TTLL12: variants seen among roughly 807,000 people sequenced by gnomAD.
The protein encoded by TTLL12 is tubulin tyrosine ligase like 12.
Under a neutral mutation model 79.6 loss-of-function variants are expected in TTLL12, and 77 were observed. The ratio of observed to expected loss-of-function variants is 0.97; its 90% CI spans 0.81 to 1.17. The LOEUF (loss-of-function observed/expected upper bound fraction) is 1.17, where lower values mean the gene tolerates loss of function less well. TTLL12 is among the 50% of genes most tolerant of loss of function. The pLI, the probability that TTLL12 is intolerant of heterozygous loss-of-function variation, is 0.00. For synonymous variants in TTLL12, 437 were observed against 376.1 expected, an observed-to-expected ratio of 1.16 and a Z score of -1.87; for missense variants, 969 against 895.9, an observed-to-expected ratio of 1.08 and a Z score of -1.04.
chr22:43,183,518 C>T (rs2146625367), intron 1 of TTLL12, among the ~76,000 whole-genome samples: 1 of 152,318 alleles, frequency 6.6e-6, no homozygotes, highest in South Asian at 2.1e-4. Context: ...AGGGTGGCTC[C>T]AATTACACTG....
chr22:43,177,191 G>C (rs996324868), intron 5 of TTLL12, among the ~76,000 whole-genome samples: 2 of 151,904 alleles, frequency 1.3e-5, no homozygotes, highest in Non-Finnish European at 2.9e-5. Flanking sequence ...AACATAGTGA[G>C]ACCCCGTCTC....
At chr22:43,183,538 G>A (rs74652745) in intron 1 of TTLL12, among the ~76,000 whole-genome samples, 2,092 of 152,284 alleles carry the variant, frequency 0.014, 50 homozygotes, top group African/African-American at 0.048. Context: ...GGAGGTCAAT[G>A]GAAGAGTCAG....
At position 43,174,512 on chromosome 22, in the gene TTLL12, AGT is replaced by A; in HGVS notation, c.1019_1020del (p.His340LeufsTer56). 3 of 1,611,866 alleles carry A rather than the reference AGT, an allele frequency of 1.9e-6. No homozygotes were observed. Among genetic ancestry groups the A allele is most frequent in the Non-Finnish European group, 2.5e-6 (3 of 1,178,640 alleles). On this transcript the variant is annotated frameshift_variant, in exon 7 of 14. Coordinates refer to ENST00000216129, the MANE Select transcript of TTLL12 (RefSeq NM_015140.4). LOFTEE classifies it high-confidence loss of function. ...AGGTGCCCTCACCTGTAGTCCTTGA[AGT>A]GTGAGAAGTTGAAGAGGATGTCGGC... is the stretch of plus-strand genomic sequence containing the variant. ...ADADILFNFS[H>X]FKDYRKLSQE...
At chr22:43,171,571 T>C in intron 11 of TTLL12, 1 of 458,474 alleles carries the variant, frequency 2.2e-6, no homozygotes, top group Non-Finnish European at 4.0e-6. Context: ...CATCCCCCTC[T>C]GTGTCCACAT....
chr22:43,176,792 T>C (rs571460069), intron 5 of TTLL12, among the ~76,000 whole-genome samples: 2 of 138,644 alleles, frequency 1.4e-5, no homozygotes, highest in East Asian at 4.6e-4. Context: ...CCACCTGGCA[T>C]CAGGTTCTAT....
Position 43,179,645 on chromosome 22 carries a change from G to C in TTLL12, c.814C>G (p.Pro272Ala). 6.3e-7 allele frequency: 1 copy of C among 1,586,332 alleles called. No individual in the cohort carries two copies. Among genetic ancestry groups the C allele is most frequent in the South Asian group, 1.1e-5 (1 of 87,594 alleles). Residue 272 changes from proline to alanine, a missense_variant, in exon 5 of 14, where the codon CCC becomes GCC. Pro to Ala is a conservative substitution (Grantham distance 27). Coordinates refer to ENST00000216129, the MANE Select transcript of TTLL12 (RefSeq NM_015140.4). Reference protein sequence around the residue: ...TDMLDLSSCTPEPPAEHYQAI... With the variant: ...TDMLDLSSCTAEPPAEHYQAI... Reference sequence around the variant, plus strand: ...TGGTAGTGCTCGGCGGGCGGCTCGGGTGTGCAAGAGCTGAGGTCCAGCATG... The same window carrying C: ...TGGTAGTGCTCGGCGGGCGGCTCGGCTGTGCAAGAGCTGAGGTCCAGCATG...
At position 43,179,823 on chromosome 22, in the gene TTLL12, G is replaced by C. The variant is rs772205997; in HGVS notation, c.706+18C>G. 1 of 1,562,974 alleles carries C rather than the reference G, an allele frequency of 6.4e-7. No homozygotes were observed. Among genetic ancestry groups the C allele is most frequent in the Admixed American group, 1.8e-5 (1 of 54,526 alleles). On this transcript the variant is annotated intron_variant, in intron 4 of 13. Transcript: ENST00000216129. ...GGGCTGAGGCCCCTCCTCCAGGGCG[G>C]GCAGGTGCTGGACTTACCGCCAGTG...
At chr22:43,176,156 G>A (rs536048161) in intron 6 of TTLL12, among the ~76,000 whole-genome samples, 164 bp downstream of exon 6, 1 of 152,132 alleles carries the variant, frequency 6.6e-6, no homozygotes, top group African/African-American at 2.4e-5. Flanking sequence ...GGGGTCCCAA[G>A]AACTCCACTC....
intron 1 of TTLL12, among the ~76,000 whole-genome samples, chr22:43,184,021 C>G (rs1569487863): frequency 6.6e-6 from 1 of 152,260 alleles, no homozygotes; most frequent in Non-Finnish European, 1.5e-5. Context: ...ACCCAGAACT[C>G]AGAGTGGAGC....
intron 5 of TTLL12, among the ~76,000 whole-genome samples, chr22:43,178,890 A>C (rs1163948716): frequency 6.6e-6 from 1 of 152,224 alleles, no homozygotes; most frequent in Non-Finnish European, 1.5e-5. Context: ...CACGCCCACA[A>C]AGTACTAAGC....
chr22:43,183,051 G>T lies in TTLL12; in HGVS notation c.276C>A (p.Asn92Lys). 6.2e-7 allele frequency: 1 copy of T among 1,613,952 alleles called. No homozygotes were observed. The highest frequency in any genetic ancestry group is 8.5e-7 in the Non-Finnish European group (1 of 1,179,942). Residue 92 changes from asparagine (N) to lysine (K), a missense_variant, in exon 2 of 14, where the codon AAC becomes AAA. Asn to Lys is a moderately conservative substitution (Grantham distance 94). Coordinates refer to ENST00000216129, the MANE Select transcript of TTLL12 (RefSeq NM_015140.4). ...AAREVRKQQPNPGNELCYKVI... is the reference protein window; with the variant it reads ...AAREVRKQQPKPGNELCYKVI... Reference sequence around the variant, plus strand: ...CCTTGTAGCACAGCTCGTTCCCCGGGTTGGGCTGCTGCTTCCGCACCTCCC... The same window carrying T: ...CCTTGTAGCACAGCTCGTTCCCCGGTTTGGGCTGCTGCTTCCGCACCTCCC...
At chr22:43,186,795 C>G (rs952071010) in intron 1 of TTLL12, 98 bp downstream of exon 1, 65 of 1,162,334 alleles carry the variant, frequency 5.6e-5, no homozygotes, top group Non-Finnish European at 7.0e-5. Context: ...CTCACCGCGG[C>G]TCCCGCCGCC....
chr22:43,167,226 C>T lies in TTLL12; in HGVS notation c.*782G>A, dbSNP rs761195360. 2 of 530,710 alleles carry T rather than the reference C, an allele frequency of 3.8e-6. No homozygotes were observed. Among genetic ancestry groups the T allele is most frequent in the South Asian group, 1.4e-5 (1 of 71,048 alleles). The allele number at this position is 530,710 out of a possible 1,614,324, so 32.9% of individuals were successfully genotyped here. ...GCGCCCCTTGCCGAAGGATCCTGGC[C>T]CATCTCACACAAGGGCGGGACCCCG... On this transcript the variant is annotated 3_prime_UTR_variant, in exon 14 of 14. Transcript: ENST00000216129.
intron 2 of TTLL12, among the ~76,000 whole-genome samples, chr22:43,182,295 T>A (rs1285050794): frequency 6.6e-6 from 1 of 152,220 alleles, no homozygotes; most frequent in Admixed American, 6.5e-5. Context: ...GGTGCTGGGC[T>A]GTCCGTATTT....
Position 43,172,458 on chromosome 22 carries a change from C to G in TTLL12, c.1438G>C (p.Val480Leu), listed in dbSNP as rs1375083006. ...DIRYIVLLRS[V>L]RPLRLFVYDV... ...TACACGAACAACCGTAGGGGCCTCA[C>G]TGACCGCAGCAGCACGATGTAGCGG... is the stretch of plus-strand genomic sequence containing the variant. The change falls in exon 10 of 14, where the codon GTG becomes CTG. Residue 480 changes from valine (V) to leucine (L), a missense_variant. By Grantham distance (32) the Val-to-Leu change is conservative (BLOSUM62 1). Transcript: ENST00000216129. 2.5e-6 allele frequency: 4 copies of G among 1,614,216 alleles called. No homozygotes were observed. Among genetic ancestry groups the G allele is most frequent in the Non-Finnish European group, 3.4e-6 (4 of 1,180,048 alleles).
chr22:43,173,518 T>C (rs1027803706), intron 9 of TTLL12, among the ~76,000 whole-genome samples, 197 bp downstream of exon 9: 2 of 152,170 alleles, frequency 1.3e-5, no homozygotes, highest in Non-Finnish European at 2.9e-5. Flanking sequence ...GGTCTCCCTA[T>C]GTTGCTCAGG....
rs752857105 is a variant in TTLL12, at chr22:43,174,424, C to T, written c.1035-21G>A. 40 of 1,558,978 alleles carry T rather than the reference C, an allele frequency of 2.6e-5. No homozygotes were observed. In the East Asian group the frequency reaches 6.3e-4, roughly 25 times the overall value. ...GTTTCCTGCAGGGCGGAGGCAGGTG[C>T]GCCAGCTCAAGGGGAGGCCGGCAGT... On this transcript the variant is annotated intron_variant, in intron 7 of 13. Coordinates refer to ENST00000216129, the MANE Select transcript of TTLL12 (RefSeq NM_015140.4).
intron 11 of TTLL12, chr22:43,171,530 G>T: frequency 3.1e-6 from 1 of 318,396 alleles, no homozygotes. Flanking sequence ...GCCCCGGCTG[G>T]GAACACACTG....
Position 43,186,893 on chromosome 22 carries a change from C to A in TTLL12, c.177G>T (p.Glu59Asp). 1 of 1,301,416 alleles carries A rather than the reference C, an allele frequency of 7.7e-7. No individual in the cohort carries two copies. The allele number at this position is 1,301,416 out of a possible 1,614,324, so 80.6% of individuals were successfully genotyped here. The change falls in exon 1 of 14, where the codon GAG (glutamate) becomes GAT (aspartate). Residue 59 changes from glutamate (E) to aspartate (D), a missense_variant and splice_region_variant. Transcript: ENST00000216129. ...ACGTGCCCGCCGCCCTTCCCCGCACCTCGTGCTCCAGCTTGTGCAGGAGGC... is the reference window on the plus strand; with the variant it reads ...ACGTGCCCGCCGCCCTTCCCCGCACATCGTGCTCCAGCTTGTGCAGGAGGC... ...WGRLLHKLEHEVFDAGEVFGI... is the reference protein window; with the variant it reads ...WGRLLHKLEHDVFDAGEVFGI...
Sources: gnomAD v4.1 joint callset for allele counts (sites outside exome capture counted in the v4.1 genomes callset) on GRCh38, gnomAD v4.1.1 for gene constraint, MANE v1.5 for transcripts, NCBI Gene and HGNC (gene_info 2026-07-23, HGNC 2026-07-21) for gene names.